Variants in PABIR3 observed in about 807,000 individuals in gnomAD.
PABIR3 encodes the protein PABIR family member 1.
A neutral mutation model predicts 23.1 loss-of-function variants in PABIR3; 20 were observed. The observed-to-expected ratio is 0.86, with a 90% confidence interval of 0.61 to 1.26. The LOEUF (loss-of-function observed/expected upper bound fraction) is 1.26, where lower values mean the gene tolerates loss of function less well. Among genes scored for constraint, PABIR3 ranks in the 50% most tolerant of loss-of-function variants. The probability of loss-of-function intolerance (pLI) is 0.00; values close to 1 mark genes in which losing one functional copy is unlikely to be tolerated. For missense variants in PABIR3, 189 were observed against 195.4 expected (o/e 0.97, Z 0.20); for synonymous variants, 69 against 68.5 (o/e 1.01, Z -0.04).
intron 4 of PABIR3, chrX:134,835,228 AT>A (rs76248993): frequency 3.0e-4 from 30 of 99,089 alleles, no homozygotes; most frequent in Admixed American, 4.4e-4. Flanking sequence ...ACCCAGCTAA[AT>A]TTTTTTTTTT....
At chrX:134,804,216 A>G (rs1286302607), upstream of PABIR3, 8 of 1,149,854 alleles carry the variant, frequency 7.0e-6, no homozygotes, top group Non-Finnish European at 9.2e-6. Flanking sequence ...TTTCCCTGGA[A>G]CTGGAAGGAC....
In PABIR3 at chrX:134,832,028, G is replaced by A. The variant is rs2081803898; in HGVS notation, c.246+2746G>A. Among the ~76,000 whole-genome samples, 6 of 111,007 alleles carry A rather than the reference G, an allele frequency of 5.4e-5. No individual in the cohort carries two copies. In the Admixed American group the frequency reaches 5.8e-4, roughly 11 times the overall value. The stretch of plus-strand genomic sequence containing the variant: ...CGCAGTGGCTCACGCCTGTATTCCC[G>A]GCACTTTGGGAGGCTGAGGTGGGCA... On this transcript the variant is annotated intron_variant, in intron 4 of 10. Transcript: ENST00000645433.
chrX:134,801,816 A>G (rs1294277608), intron 1 of PABIR3, among the ~76,000 whole-genome samples: 2 of 109,331 alleles, frequency 1.8e-5, no homozygotes, highest in African/African-American at 3.3e-5. Flanking sequence ...GGTTTTCTGC[A>G]TAGGGGCCAT....
At position 134,831,228 on chromosome X, in the gene PABIR3, G is replaced by A. The variant is rs186935927; in HGVS notation, c.246+1946G>A. On this transcript the variant is annotated intron_variant, in intron 4 of 10. Transcript: ENST00000645433. ...ATCACAGGTGCGTGCCACCACACCC[G>A]GCTAATTTTTTTGTATTTTTAGTAG... Among the ~76,000 whole-genome samples, 511 of 109,639 alleles carry A rather than the reference G, an allele frequency of 4.7e-3. 6 individuals carry two copies. The highest frequency in any genetic ancestry group is 0.014 in the African/African-American group (437 of 30,181).
At chrX:134,799,027 T>A (rs957096288) in intron 1 of PABIR3, among the ~76,000 whole-genome samples, 6 of 112,189 alleles carry the variant, frequency 5.3e-5, no homozygotes, top group African/African-American at 1.9e-4. Context: ...AGTGTTTAAA[T>A]GTAATTAGAC....
In PABIR3 at chrX:134,835,413, T is replaced by C. The variant is rs188483270; in HGVS notation, c.246+6131T>C. On this transcript the variant is annotated intron_variant, in intron 4 of 10. Transcript: ENST00000645433. ...TGTAAAATAGTATGATGAAATTTGC[T>C]TTTAATTTTAAATGAACACACAGCT... 7 of 111,063 alleles carry C rather than the reference T, an allele frequency of 6.3e-5. No homozygotes were observed. The East Asian group carries it at 1.7e-3, about 27-fold the overall frequency. The allele number at this position is 111,063 out of a possible 1,213,427, so 9.2% of individuals were successfully genotyped here. A position where few individuals can be genotyped will look rare whatever the true frequency, so the allele number is the denominator to read the frequency against.
downstream of PABIR3, among the ~76,000 whole-genome samples, chrX:134,855,434 A>G (rs1346947825): frequency 9.4e-6 from 1 of 106,563 alleles, no homozygotes. Flanking sequence ...ACTCTGTCTC[A>G]AAAAAAAAAA....
At chrX:134,802,081 C>T (rs1325314190) in intron 1 of PABIR3, among the ~76,000 whole-genome samples, 1 of 104,930 alleles carries the variant, frequency 9.5e-6, no homozygotes, top group Non-Finnish European at 2.0e-5. Context: ...GATTCCAGTG[C>T]ACTTTCTTTT....
chrX:134,856,046 G>T (rs747788763), downstream of PABIR3, among the ~76,000 whole-genome samples: 172 of 111,586 alleles, frequency 1.5e-3, no homozygotes, highest in Non-Finnish European at 2.3e-3. Flanking sequence ...TCAAGCACAA[G>T]GACTAAGGAT....
At chrX:134,848,046 T>C in intron 8 of PABIR3, 75 bp downstream of exon 8, 1 of 896,521 alleles carries the variant, frequency 1.1e-6, no homozygotes, top group Non-Finnish European at 1.5e-6. Context: ...AAATTATAGC[T>C]CCAAGTTTTG....
At chrX:134,856,027 G>A (rs755355442), downstream of PABIR3, among the ~76,000 whole-genome samples, 28 of 111,048 alleles carry the variant, frequency 2.5e-4, no homozygotes, top group Non-Finnish European at 3.4e-4. Flanking sequence ...AGAGAGTTTC[G>A]CAGAATGTTC....
At chrX:134,829,019 GT>G (rs1196828065) in intron 3 of PABIR3, among the ~76,000 whole-genome samples, 1 of 111,756 alleles carries the variant, frequency 8.9e-6, no homozygotes, top group African/African-American at 3.2e-5. Flanking sequence ...ATTTTGTTCT[GT>G]TTTGGAAAGT....
At position 134,807,544 on chromosome X, in the gene PABIR3, G is replaced by C. The variant is rs2080309084; in HGVS notation, c.-55G>C. ...CATCACCTGCCCACTAAGTAGACTTGTCCTTGTGTGGACGGGAGCCGGAAA... is the reference window on the plus strand; with the variant it reads ...CATCACCTGCCCACTAAGTAGACTTCTCCTTGTGTGGACGGGAGCCGGAAA... On this transcript the variant is annotated 5_prime_UTR_variant, in exon 2 of 11. Coordinates refer to ENST00000645433, the MANE Select transcript of PABIR3 (RefSeq NM_001388447.1). 8.3e-7 allele frequency: 1 copy of C among 1,206,367 alleles called. No homozygotes were observed.
At chrX:134,856,906 G>A (rs2082753006), downstream of PABIR3, among the ~76,000 whole-genome samples, 1 of 110,908 alleles carries the variant, frequency 9.0e-6, no homozygotes, top group Non-Finnish European at 1.9e-5. Flanking sequence ...CAGCTACTCA[G>A]GAGGCTTAGG....
upstream of PABIR3, among the ~76,000 whole-genome samples, chrX:134,806,165 C>T (rs2080221901): frequency 8.9e-6 from 1 of 112,145 alleles, no homozygotes; most frequent in South Asian, 3.6e-4. Context: ...GCTTCTAATA[C>T]TACCTGAAAT....
At chrX:134,803,840 GC>G (rs1164667374), upstream of PABIR3, among the ~76,000 whole-genome samples, 2 of 111,232 alleles carry the variant, frequency 1.8e-5, no homozygotes, top group African/African-American at 6.5e-5. Context: ...TTAGGAGAAC[GC>G]GAGGAGAATA....
At chrX:134,841,257 G>A (rs956841432) in intron 4 of PABIR3, among the ~76,000 whole-genome samples, 5 of 110,780 alleles carry the variant, frequency 4.5e-5, no homozygotes, top group East Asian at 2.9e-4. Context: ...GCCACTGTGC[G>A]TGGCCAAATT....
Position 134,845,350 on chromosome X carries a change from G to A in PABIR3, c.294G>A (p.Lys98=), listed in dbSNP as rs778878387. The A allele has an allele frequency of 1.7e-5, 20 of 1,203,576 alleles. No individual in the cohort carries two copies. The highest frequency in any genetic ancestry group is 5.3e-5 in the African/African-American group (3 of 57,048). The part of the protein sequence containing the change: ...LINRETMSEW[K]LQSEIQISHS... ...GCAGTTTTGATTTCTTTTGTAGGAA[G>A]CTACAAAGTGAGATACAGATAAGTC... Residue 98 remains lysine, a synonymous_variant, in exon 6 of 11, where the codon AAG becomes AAA. Transcript: ENST00000645433.
intron 4 of PABIR3, chrX:134,844,066 A>G (rs2082353874): frequency 9.2e-6 from 1 of 108,751 alleles, no homozygotes. Context: ...CTGGGATTAC[A>G]GGTGTATGCT....
Sources: gnomAD v4.1 joint callset for allele counts (sites outside exome capture counted in the v4.1 genomes callset) on GRCh38, gnomAD v4.1.1 for gene constraint, MANE v1.5 for transcripts, NCBI Gene and HGNC (gene_info 2026-07-23, HGNC 2026-07-21) for gene names.